Variants in KAZN observed in about 807,000 individuals in gnomAD.
KAZN encodes the protein kazrin, periplakin interacting protein, also known as kazrin.
KAZN carries 40 observed loss-of-function variants against 87.4 expected under a neutral mutation model. The observed-to-expected ratio is 0.46, with a 90% confidence interval of 0.36 to 0.60. The LOEUF (loss-of-function observed/expected upper bound fraction) is 0.60. Ranked by LOEUF, KAZN falls within the 20% of genes least tolerant of loss-of-function variation. The pLI is 0.00. For missense variants in KAZN, 898 were observed against 1,073.9 expected (o/e 0.84, Z 2.29); for synonymous variants, 466 against 458.3 (o/e 1.02, Z -0.22).
intron 2 of KAZN, among the ~76,000 whole-genome samples, chr1:14,494,220 G>C (rs747238744): frequency 5.9e-5 from 9 of 152,168 alleles, no homozygotes; most frequent in Non-Finnish European, 1.2e-4. Context: ...AGAATCAAAT[G>C]GGGAAATTAG....
intron 1 of KAZN, among the ~76,000 whole-genome samples, chr1:14,751,014 C>T (rs553159953): frequency 2.0e-5 from 3 of 152,256 alleles, no homozygotes; most frequent in Admixed American, 6.5e-5. Context: ...TGTTACGTGG[C>T]GACGTCATTT....
At chr1:13,901,257 G>A (rs1639239521) in intron 1 of KAZN, among the ~76,000 whole-genome samples, 2 of 152,174 alleles carry the variant, frequency 1.3e-5, no homozygotes, top group Admixed American at 1.3e-4. Flanking sequence ...TCATTCTCAA[G>A]CATGTCTTTG....
At chr1:14,246,759 T>C (rs1397878819) in intron 2 of KAZN, among the ~76,000 whole-genome samples, 1 of 152,204 alleles carries the variant, frequency 6.6e-6, no homozygotes, top group East Asian at 1.9e-4. Flanking sequence ...TTTCGAGCTT[T>C]ATGAAAATAA....
chr1:14,390,338 T>A (rs547671561), intron 2 of KAZN, among the ~76,000 whole-genome samples: 2 of 152,288 alleles, frequency 1.3e-5, no homozygotes, highest in African/African-American at 2.4e-5. Flanking sequence ...TGATTTATAA[T>A]GTAAACTTCG....
In KAZN at chr1:14,735,060, T is replaced by G. The variant is rs185615083; in HGVS notation, c.226+135837T>G. ...ACAGGATGCTAAATGGTCATGCTGG[T>G]TTTTTTTGTTTTGTTTTGAGACGGA... On this transcript the variant is annotated intron_variant, in intron 1 of 14. Coordinates refer to ENST00000376030, the MANE Select transcript of KAZN (RefSeq NM_201628.3). The surrounding 1 kb of genome is among the most constrained non-coding windows in gnomAD (Gnocchi z 4.3). Among the ~76,000 whole-genome samples the G allele has an allele frequency of 3.1e-3, 434 of 141,054 alleles. 4 individuals are homozygous for G. The highest frequency in any genetic ancestry group is 0.013 in the African/African-American group (413 of 31,250). 92.5% of individuals were successfully genotyped at this position (141,054 alleles called of 152,430 possible). A position where few individuals can be genotyped will look rare whatever the true frequency, so the allele number is the denominator to read the frequency against.
chr1:14,863,338 G>T (rs547417253), intron 1 of KAZN, among the ~76,000 whole-genome samples: 2 of 152,290 alleles, frequency 1.3e-5, no homozygotes, highest in East Asian at 3.9e-4. Context: ...CCCCATCGGG[G>T]CAGCAGACAC....
At chr1:14,236,242 C>T (rs897910481) in intron 2 of KAZN, among the ~76,000 whole-genome samples, 2 of 152,182 alleles carry the variant, frequency 1.3e-5, no homozygotes, top group African/African-American at 2.4e-5. Context: ...CTTTTGCCTT[C>T]ATCTGGTTTT....
At chr1:14,799,523 C>T (rs568904086) in intron 1 of KAZN, among the ~76,000 whole-genome samples, 63 of 152,268 alleles carry the variant, frequency 4.1e-4, no homozygotes, top group African/African-American at 1.3e-3. Flanking sequence ...CCTCCAGGTT[C>T]GAGGCTAACT....
intron 1 of KAZN, among the ~76,000 whole-genome samples, chr1:14,794,049 G>A (rs77944739): frequency 0.046 from 6,956 of 152,274 alleles, 250 homozygotes; most frequent in South Asian, 0.073. Context: ...CATAAGCAGC[G>A]TTTGCTAAAA....
At chr1:14,929,957 C>T in intron 1 of KAZN, 1 of 985,406 alleles carries the variant, frequency 1.0e-6, no homozygotes, top group Non-Finnish European at 1.2e-6. Context: ...TGGCAATTCC[C>T]CAGAGCCCTC....
chr1:14,114,063 G>T lies in KAZN; in HGVS notation c.92-66372G>T, dbSNP rs79298601. ...TCTCACAGCTCAATGAGTCCTCCAA[G>T]GCCTTGCAGTGCAGCTTTTAAGAGG... On this transcript the variant is annotated intron_variant, in intron 1 of 16. Transcript: ENST00000636203. Among the ~76,000 whole-genome samples the T allele has an allele frequency of 3.3e-3, 503 of 152,326 alleles. 2 individuals are homozygous for T. The highest frequency in any genetic ancestry group is 5.7e-3 in the Non-Finnish European group (387 of 68,030).
rs760870987 is a variant in KAZN at position 15,056,145 on chromosome 1, G to T, written c.781G>T (p.Ala261Ser). The T allele has an allele frequency of 1.2e-6, 2 of 1,614,076 alleles. No individual in the cohort carries two copies. Among genetic ancestry groups the T allele is most frequent in the South Asian group, 1.1e-5 (1 of 91,080 alleles). Residue 261 changes from alanine (A) to serine (S), a missense_variant, in exon 5 of 15, where the codon GCC becomes TCC. Physicochemically the swap from Ala to Ser is moderately conservative, Grantham distance 99. Transcript: ENST00000376030. This position sits in a 1 kb window ranked among gnomAD's most constrained non-coding sequence, Gnocchi z 5.4. ...GGACGTCCCCAAGCGGCATTCCCTC[G>T]CCATGCCGGGCGAGACGGTGCTCAA... ...TKDVPKRHSL[A>S]MPGETVLNGN... is the part of the protein sequence containing the mutation.
chr1:14,300,732 C>CA (rs1267356543), intron 2 of KAZN, among the ~76,000 whole-genome samples: 3 of 152,200 alleles, frequency 2.0e-5, no homozygotes, highest in Non-Finnish European at 4.4e-5. Context: ...GGTTTATATG[C>CA]AGGTGGCTCA....
At chr1:14,252,897 C>T (rs1333857619) in intron 2 of KAZN, among the ~76,000 whole-genome samples, 1 of 152,110 alleles carries the variant, frequency 6.6e-6, no homozygotes, top group African/African-American at 2.4e-5. Context: ...TGTGCGGTTC[C>T]ATCATCTAGG....
chr1:15,006,315 G>A (rs1668993511), intron 2 of KAZN, among the ~76,000 whole-genome samples: 1 of 152,232 alleles, frequency 6.6e-6, no homozygotes, highest in African/African-American at 2.4e-5. Context: ...AGGGAAGAGA[G>A]GAGCCCTCTC....
chr1:14,360,612 CGGA>C (rs1187491343), intron 2 of KAZN, among the ~76,000 whole-genome samples: 1 of 152,112 alleles, frequency 6.6e-6, no homozygotes, highest in Non-Finnish European at 1.5e-5. Flanking sequence ...TGCTGACCTT[CGGA>C]AGGAGTTTTT....
intron 1 of KAZN, among the ~76,000 whole-genome samples, chr1:13,905,480 C>T (rs1639401770): frequency 6.6e-6 from 1 of 152,190 alleles, no homozygotes; most frequent in African/African-American, 2.4e-5. Flanking sequence ...CCCTCTCAAT[C>T]CAGGACTCAG....
Position 14,784,320 on chromosome 1 carries a change from C to T in KAZN, c.227-176364C>T, listed in dbSNP as rs112235845. Among the ~76,000 whole-genome samples, 1,430 of 152,254 alleles carry T rather than the reference C, an allele frequency of 9.4e-3. 24 individuals carry two copies. The highest frequency in any genetic ancestry group is 0.032 in the African/African-American group (1,344 of 41,546). ...CTTCCTGGCAACGCCTAGATGAGTGCTTGGTTGAATAACTGGAGACTATAA... is the reference window on the plus strand; with the variant it reads ...CTTCCTGGCAACGCCTAGATGAGTGTTTGGTTGAATAACTGGAGACTATAA... On this transcript the variant is annotated intron_variant, in intron 1 of 14. Transcript: ENST00000376030.
intron 1 of KAZN, among the ~76,000 whole-genome samples, chr1:14,105,166 G>A (rs1394104884): frequency 6.6e-6 from 1 of 152,218 alleles, no homozygotes; most frequent in Non-Finnish European, 1.5e-5. Flanking sequence ...CCCAGCAAGA[G>A]AGAAGGACAT....
Sources: allele counts gnomAD v4.1 joint callset (sites outside exome capture counted in the v4.1 genomes callset), GRCh38; gene constraint gnomAD v4.1.1; non-coding constraint Gnocchi (gnomAD v3.1); transcripts MANE v1.5; gene names NCBI Gene and HGNC (gene_info 2026-07-23, HGNC 2026-07-21).